The following KCNT2 variants were observed in gnomAD, a reference collection of about 807,000 sequenced individuals.
KCNT2 encodes the protein potassium channel subfamily T member 2.
A neutral mutation model predicts 153.8 loss-of-function variants in KCNT2; 67 were observed. The observed-to-expected ratio is 0.44, with a 90% CI of 0.36 to 0.53. KCNT2 has a LOEUF of 0.53. Ranked by LOEUF, KCNT2 falls within the 20% of genes least tolerant of loss-of-function variation. The pLI, the probability that KCNT2 is intolerant of heterozygous loss-of-function variation, is 0.00. For missense variants in KCNT2, 975 were observed against 1,354.8 expected (o/e 0.72, Z 4.40); for synonymous variants, 500 against 458.8 (o/e 1.09, Z -1.15).
At position 196,533,575 on chromosome 1, in the gene KCNT2, T is replaced by C. The variant is rs186932174; in HGVS notation, c.96-41234A>G. ...AGAGATATGAACTAGCTTTCTGTCA[T>C]GTTAGATTTGAGGAAATTTGACTAG... is the stretch of plus-strand genomic sequence containing the variant. On this transcript the variant is annotated intron_variant, in intron 1 of 27. Coordinates refer to ENST00000294725, the MANE Select transcript of KCNT2 (RefSeq NM_198503.5). Among the ~76,000 whole-genome samples, 133 of 152,232 alleles carry C rather than the reference T, an allele frequency of 8.7e-4. No individual in the cohort carries two copies. In the Middle Eastern group the frequency reaches 0.02, roughly 23 times the overall value.
At chr1:196,384,298 A>G (rs1669759645) in intron 13 of KCNT2, among the ~76,000 whole-genome samples, 1 of 152,204 alleles carries the variant, frequency 6.6e-6, no homozygotes. Flanking sequence ...TAAATAATAC[A>G]TAGAAATGTG....
intron 8 of KCNT2, among the ~76,000 whole-genome samples, chr1:196,453,324 G>A (rs1676382718): frequency 1.3e-5 from 2 of 151,812 alleles, no homozygotes; most frequent in South Asian, 4.2e-4. Context: ...CAGCAACATT[G>A]AGGGATGCTT....
At chr1:196,521,096 A>T (rs1459170601) in intron 1 of KCNT2, among the ~76,000 whole-genome samples, 1 of 152,196 alleles carries the variant, frequency 6.6e-6, no homozygotes, top group Non-Finnish European at 1.5e-5. Context: ...TTTACTAGAA[A>T]AAAGAAAACA....
intron 1 of KCNT2, among the ~76,000 whole-genome samples, chr1:196,543,805 T>A (rs1175239671): frequency 6.6e-6 from 1 of 152,140 alleles, no homozygotes; most frequent in Non-Finnish European, 1.5e-5. Flanking sequence ...AGAATGTAGG[T>A]GGTACAGCCA....
intron 8 of KCNT2, among the ~76,000 whole-genome samples, chr1:196,455,658 A>G (rs1177284550): frequency 2.0e-5 from 3 of 152,116 alleles, no homozygotes; most frequent in East Asian, 1.9e-4. Flanking sequence ...GAGCAAGTCT[A>G]TTTAATTAGA....
At chr1:196,341,945 TG>T in intron 15 of KCNT2, 133 bp downstream of exon 15, 2 of 755,144 alleles carry the variant, frequency 2.6e-6, no homozygotes, top group Non-Finnish European at 4.1e-6. Context: ...GTTTCAACAT[TG>T]GGGAATATTG....
chr1:196,467,102 A>C (rs1287278926), intron 7 of KCNT2, among the ~76,000 whole-genome samples: 1 of 152,024 alleles, frequency 6.6e-6, no homozygotes, highest in Non-Finnish European at 1.5e-5. Context: ...GACTACCTAC[A>C]ATTAAGAGCA....
chr1:196,459,027 C>T (rs963059773), intron 8 of KCNT2, among the ~76,000 whole-genome samples: 2 of 151,678 alleles, frequency 1.3e-5, no homozygotes, highest in African/African-American at 4.8e-5. Context: ...TTTTCATTTC[C>T]CGTAGATTGT....
At chr1:196,407,300 T>A (rs557371441) in intron 12 of KCNT2, among the ~76,000 whole-genome samples, 2 of 151,384 alleles carry the variant, frequency 1.3e-5, no homozygotes, top group Non-Finnish European at 3.0e-5. Context: ...CGTAAAGAGG[T>A]CAGGTTATCT....
At chr1:196,313,076 C>T (rs950320579) in intron 21 of KCNT2, among the ~76,000 whole-genome samples, 2 of 151,462 alleles carry the variant, frequency 1.3e-5, no homozygotes, top group South Asian at 4.1e-4. Flanking sequence ...CAGTAATTAT[C>T]CATTGAGGAT....
At chr1:196,582,335 A>G (rs900518738) in intron 1 of KCNT2, 4 of 152,840 alleles carry the variant, frequency 2.6e-5, no homozygotes, top group Non-Finnish European at 4.4e-5. Flanking sequence ...GAATGCTAGT[A>G]AAAAGTAATG....
chr1:196,479,874 A>G (rs1000883577), intron 4 of KCNT2, among the ~76,000 whole-genome samples: 1 of 152,260 alleles, frequency 6.6e-6, no homozygotes, highest in African/African-American at 2.4e-5. Flanking sequence ...ATTCAATCTT[A>G]TCACCCATGT....
intron 1 of KCNT2, among the ~76,000 whole-genome samples, chr1:196,578,400 G>A (rs61819888): frequency 9.2e-5 from 14 of 152,052 alleles, no homozygotes; most frequent in Non-Finnish European, 1.9e-4. Flanking sequence ...AAATAGAATG[G>A]CTGCAAAGTC....
chr1:196,535,538 A>G (rs1655436752), intron 1 of KCNT2, among the ~76,000 whole-genome samples: 1 of 152,220 alleles, frequency 6.6e-6, no homozygotes, highest in South Asian at 2.1e-4. Flanking sequence ...AACATTTTTT[A>G]GAATAATGCT....
At chr1:196,482,081 T>C (rs1679064753) in intron 4 of KCNT2, among the ~76,000 whole-genome samples, 1 of 152,178 alleles carries the variant, frequency 6.6e-6, no homozygotes, top group African/African-American at 2.4e-5. Context: ...AGTAGTATAC[T>C]TTGGTTTTCT....
intron 25 of KCNT2, 105 bp from the exon 26 acceptor site, chr1:196,258,599 G>C: frequency 1.1e-6 from 1 of 945,276 alleles, no homozygotes; most frequent in Non-Finnish European, 1.6e-6. Flanking sequence ...TTCTACTCAG[G>C]AGAGTTTTCA....
chr1:196,541,084 A>T (rs183988899), intron 1 of KCNT2, among the ~76,000 whole-genome samples: 211 of 150,418 alleles, frequency 1.4e-3, no homozygotes, highest in African/African-American at 4.5e-3. Flanking sequence ...TAAATAAATA[A>T]ATATATAAAT....
intron 20 of KCNT2, among the ~76,000 whole-genome samples, 159 bp from the exon 21 acceptor site, chr1:196,316,185 A>G (rs1572013200): frequency 6.6e-6 from 1 of 151,906 alleles, no homozygotes; most frequent in East Asian, 1.9e-4. Flanking sequence ...ATTATGATAC[A>G]ATATTATCTA....
chr1:196,315,779 A>C, intron 21 of KCNT2, 113 bp downstream of exon 21: 1 of 901,422 alleles, frequency 1.1e-6, no homozygotes, highest in Non-Finnish European at 1.6e-6. Flanking sequence ...AAAATGAATA[A>C]ATGAACATAA....
Sources: allele counts gnomAD v4.1 joint callset (sites outside exome capture counted in the v4.1 genomes callset), GRCh38; gene constraint gnomAD v4.1.1; transcripts MANE v1.5; gene names NCBI Gene and HGNC (gene_info 2026-07-23, HGNC 2026-07-21).